PGBD5: variants seen among roughly 807,000 people sequenced by gnomAD.
PGBD5 encodes the protein piggyBac transposable element-derived protein 5.
Under a neutral mutation model 47.9 loss-of-function variants are expected in PGBD5, and 14 were observed. The ratio of observed to expected loss-of-function variants is 0.29; its 90% CI spans 0.19 to 0.46. The LOEUF is 0.46. Among genes scored for constraint, PGBD5 ranks in the 20% least tolerant of loss-of-function variants. PGBD5 has a pLI of 1.00. For missense variants in PGBD5, 635 were observed against 716.0 expected (o/e 0.89, Z 1.29); for synonymous variants, 316 against 306.3 (o/e 1.03, Z -0.33).
intron 1 of PGBD5, among the ~76,000 whole-genome samples, chr1:230,407,032 G>A (rs1040048778): frequency 2.6e-5 from 4 of 152,058 alleles, no homozygotes; most frequent in East Asian, 1.9e-4. Context: ...ACGGGGTTTC[G>A]CCACGTTGGC....
chr1:230,365,225 A>T (rs1571842301), intron 1 of PGBD5, among the ~76,000 whole-genome samples: 1 of 147,124 alleles, frequency 6.8e-6, no homozygotes, highest in East Asian at 2.1e-4. Flanking sequence ...AGGCTGGAGA[A>T]TTGCTTGAAC....
chr1:230,400,412 C>T (rs532484142), intron 1 of PGBD5, among the ~76,000 whole-genome samples: 3 of 152,054 alleles, frequency 2.0e-5, no homozygotes, highest in African/African-American at 7.2e-5. Context: ...ATGCCATCTG[C>T]TTATTGGTTC....
At chr1:230,400,800 G>A (rs112095720) in intron 1 of PGBD5, among the ~76,000 whole-genome samples, 1 of 152,206 alleles carries the variant, frequency 6.6e-6, no homozygotes, top group South Asian at 2.1e-4. Flanking sequence ...GACTGCACTT[G>A]TGAATAGCCA....
chr1:230,387,074 G>A (rs992023317), intron 1 of PGBD5, among the ~76,000 whole-genome samples: 1 of 152,160 alleles, frequency 6.6e-6, no homozygotes, highest in African/African-American at 2.4e-5. Flanking sequence ...TCTATTTTTA[G>A]ATGCTGGATT....
At chr1:230,385,510 C>T (rs1373494037) in intron 1 of PGBD5, among the ~76,000 whole-genome samples, 1 of 152,198 alleles carries the variant, frequency 6.6e-6, no homozygotes, top group Non-Finnish European at 1.5e-5. Context: ...TGGATGGGCA[C>T]CAGCCGTTGC....
intron 3 of PGBD5, among the ~76,000 whole-genome samples, chr1:230,346,701 A>G (rs1667477176): frequency 6.6e-6 from 1 of 152,168 alleles, no homozygotes; most frequent in Admixed American, 6.5e-5. Context: ...CTTCTTTGCC[A>G]CACCACATAC....
chr1:230,315,608 A>G lies in PGBD5; in HGVS notation c.*7817T>C, dbSNP rs1034108609. The G allele has an allele frequency of 2.6e-5, 4 of 151,804 alleles. No homozygotes were observed. The highest frequency in any genetic ancestry group is 5.9e-5 in the Non-Finnish European group (4 of 67,922). 9.4% of individuals were successfully genotyped at this position (151,804 alleles called of 1,614,324 possible). A position where few individuals can be genotyped will look rare whatever the true frequency, so the allele number is the denominator to read the frequency against. On this transcript the variant is annotated 3_prime_UTR_variant, in exon 7 of 7. Transcript: ENST00000391860. ...TGTAGAATGGGGGCCAGGACTGGAC[A>G]TGTGGTTTGATTGCTAAGGACCTAG...
At chr1:230,326,464 C>T (rs1346708541) in intron 5 of PGBD5, among the ~76,000 whole-genome samples, 1 of 152,088 alleles carries the variant, frequency 6.6e-6, no homozygotes, top group Non-Finnish European at 1.5e-5. Context: ...GAATTATTAT[C>T]ATTATTTTTT....
rs777863323 is a variant in PGBD5, at chr1:230,367,957, G to A, written c.332-10636C>T. On this transcript the variant is annotated intron_variant, in intron 1 of 6. Transcript: ENST00000391860. ...AGGTCACGCAAGCTGGCACACCAAG[G>A]AGCTCAAGGTCCTGCAAGCTGGACA... is the stretch of plus-strand genomic sequence containing the variant. 9.5e-6 allele frequency: 13 copies of A among 1,366,078 alleles called. No individual in the cohort carries two copies. The Admixed American group carries it at 1.1e-4, about 12-fold the overall frequency. 84.6% of individuals were successfully genotyped at this position (1,366,078 alleles called of 1,614,324 possible). A position where few individuals can be genotyped will look rare whatever the true frequency, so the allele number is the denominator to read the frequency against.
rs748492313 is a variant in PGBD5, at chr1:230,319,140, G to C, written c.*4285C>G. ...GCGGCCTCCTGCGTCAGGCAAACCC[G>C]GGTCTGCTTACCTGGGCGAACCATT... On this transcript the variant is annotated 3_prime_UTR_variant, in exon 7 of 7. Transcript: ENST00000391860. The C allele has an allele frequency of 6.6e-6, 1 of 152,216 alleles. No individual in the cohort carries two copies. The highest frequency in any genetic ancestry group is 1.5e-5 in the Non-Finnish European group (1 of 68,066). The allele number at this position is 152,216 out of a possible 1,614,324, so 9.4% of individuals were successfully genotyped here.
In PGBD5 at chr1:230,323,293, G is replaced by A. The variant is rs1667065173; in HGVS notation, c.*132C>T. On this transcript the variant is annotated 3_prime_UTR_variant, in exon 7 of 7. Transcript: ENST00000391860. The surrounding 1 kb of genome is among the most constrained non-coding windows in gnomAD (Gnocchi z 4.1). ...TGACCAGGTCCATCCTGTCCCTCCA[G>A]AGGCCCTGTGCATCCCTCCCAGGCA... 8 of 1,008,094 alleles carry A rather than the reference G, an allele frequency of 7.9e-6. No individual in the cohort carries two copies. The South Asian group carries it at 1.3e-4, about 17-fold the overall frequency. The allele number at this position is 1,008,094 out of a possible 1,614,324, so 62.4% of individuals were successfully genotyped here.
At chr1:230,420,816 T>G (rs1450589665) in intron 1 of PGBD5, among the ~76,000 whole-genome samples, 1 of 152,240 alleles carries the variant, frequency 6.6e-6, no homozygotes, top group African/African-American at 2.4e-5. Flanking sequence ...ATCCTTTTTC[T>G]TATTTATTTT....
intron 3 of PGBD5, among the ~76,000 whole-genome samples, chr1:230,344,242 G>A (rs1307143109): frequency 1.3e-5 from 2 of 151,708 alleles, no homozygotes; most frequent in Non-Finnish European, 2.9e-5. Context: ...CCGAGATCAC[G>A]CCACTACACT....
chr1:230,415,663 G>A (rs568207406), intron 1 of PGBD5, among the ~76,000 whole-genome samples: 17 of 152,266 alleles, frequency 1.1e-4, no homozygotes, highest in African/African-American at 2.2e-4. Context: ...CAGTGAGAAC[G>A]TCTGCTTACG....
intron 1 of PGBD5, among the ~76,000 whole-genome samples, chr1:230,372,651 C>T (rs1338030218): frequency 1.3e-5 from 2 of 152,188 alleles, no homozygotes; most frequent in African/African-American, 4.8e-5. Flanking sequence ...TATTTCACAG[C>T]CTCCTTAGAG....
intron 1 of PGBD5, among the ~76,000 whole-genome samples, chr1:230,405,997 G>C (rs2102745295): frequency 6.6e-6 from 1 of 152,262 alleles, no homozygotes; most frequent in Middle Eastern, 3.4e-3. Context: ...AATATGCTAG[G>C]ATTCTTTACA....
intron 1 of PGBD5, among the ~76,000 whole-genome samples, chr1:230,400,574 C>T (rs780025563): frequency 6.6e-6 from 1 of 152,210 alleles, no homozygotes; most frequent in South Asian, 2.1e-4. Context: ...CTATCCACTG[C>T]GTGGTCACCA....
At chr1:230,361,932 C>T (rs1204630540) in intron 1 of PGBD5, among the ~76,000 whole-genome samples, 1 of 152,230 alleles carries the variant, frequency 6.6e-6, no homozygotes, top group Non-Finnish European at 1.5e-5. Flanking sequence ...AAGCCATCAG[C>T]CCCAGTGGGG....
chr1:230,396,559 G>GCCCCCCCCC (rs61206058), intron 1 of PGBD5, among the ~76,000 whole-genome samples: 29 of 117,562 alleles, frequency 2.5e-4, no homozygotes, highest in African/African-American at 4.1e-4. Flanking sequence ...ACATTTTGTT[G>GCCCCCCCCC]CCCCCCCTCC....
Sources: gnomAD v4.1 joint callset for allele counts (sites outside exome capture counted in the v4.1 genomes callset) on GRCh38, gnomAD v4.1.1 for gene constraint, Gnocchi (gnomAD v3.1) non-coding constraint, MANE v1.5 for transcripts, NCBI Gene and HGNC (gene_info 2026-07-23, HGNC 2026-07-21) for gene names.